Variants in GALNT13 observed in about 807,000 individuals in gnomAD.
GALNT13 encodes UDP-GalNAc:polypeptide N-acetylgalactosaminyltransferase 13.
GALNT13 carries 28 observed loss-of-function variants against 64.2 expected under a neutral mutation model. That is an observed-to-expected ratio of 0.44 (90% CI 0.32 to 0.60). GALNT13 has a LOEUF of 0.60. Ranked by LOEUF, GALNT13 falls within the 20% of genes least tolerant of loss-of-function variation. The pLI is 0.05. For synonymous variants in GALNT13, 214 were observed against 224.6 expected (o/e 0.95, Z 0.42); for missense variants, 577 against 669.8 (o/e 0.86, Z 1.53).
chr2:153,539,662 T>C, the GALNT13 span, among the ~76,000 whole-genome samples: 3 of 151,594 alleles, frequency 2.0e-5, no homozygotes, highest in Non-Finnish European at 4.4e-5. Flanking sequence ...CCTTTCCCCA[T>C]TGCTTGTTTT....
the GALNT13 span, among the ~76,000 whole-genome samples, chr2:153,269,423 C>T: frequency 1.3e-5 from 2 of 152,180 alleles, no homozygotes; most frequent in Admixed American, 6.5e-5. Context: ...ATAAATTCCT[C>T]ATCTTCATCT....
chr2:153,836,222 A>G, the GALNT13 span, among the ~76,000 whole-genome samples: 1 of 152,032 alleles, frequency 6.6e-6, no homozygotes, highest in Non-Finnish European at 1.5e-5. Flanking sequence ...TTTATTGTAT[A>G]TATTTAAAGT....
the GALNT13 span, among the ~76,000 whole-genome samples, chr2:153,069,011 T>C: frequency 6.6e-6 from 1 of 152,222 alleles, no homozygotes; most frequent in Non-Finnish European, 1.5e-5. Context: ...GCAGTGCACT[T>C]TGGAAGAAAT....
At chr2:153,612,632 C>CAA in the GALNT13 span, among the ~76,000 whole-genome samples, 24,614 of 150,708 alleles carry the variant, frequency 0.16, 2,159 homozygotes, top group African/African-American at 0.22. Context: ...AATAAGAAAA[C>CAA]AAAGAAAAAA....
At chr2:154,020,652 C>T (rs994101604) in intron 3 of GALNT13, among the ~76,000 whole-genome samples, 5 of 151,094 alleles carry the variant, frequency 3.3e-5, no homozygotes, top group South Asian at 2.1e-4. Context: ...TTGTAGGTTG[C>T]CTGTTCACTC....
chr2:153,292,073 A>T, the GALNT13 span, among the ~76,000 whole-genome samples: 1 of 152,180 alleles, frequency 6.6e-6, no homozygotes, highest in African/African-American at 2.4e-5. Context: ...GCTTGGTTAC[A>T]CTTCTATCCA....
chr2:153,618,085 G>C, the GALNT13 span, among the ~76,000 whole-genome samples: 1 of 151,606 alleles, frequency 6.6e-6, no homozygotes, highest in Non-Finnish European at 1.5e-5. Context: ...GTTTGCTTTT[G>C]ATTTTCTAGT....
chr2:153,620,077 A>C, the GALNT13 span, among the ~76,000 whole-genome samples: 1 of 152,012 alleles, frequency 6.6e-6, no homozygotes, highest in Non-Finnish European at 1.5e-5. Context: ...TAAGGGAAAT[A>C]ACTCTTAGAT....
the GALNT13 span, among the ~76,000 whole-genome samples, chr2:153,563,504 C>T: frequency 6.6e-6 from 1 of 152,014 alleles, no homozygotes; most frequent in East Asian, 1.9e-4. Context: ...TATGGATTTT[C>T]TTATACTGTG....
the GALNT13 span, among the ~76,000 whole-genome samples, chr2:153,094,569 C>T: frequency 2.6e-5 from 4 of 152,088 alleles, no homozygotes; most frequent in African/African-American, 4.8e-5. Context: ...AAAAAGAGCC[C>T]GCATTGCCAA....
chr2:154,085,353 T>G (rs1701471375), intron 3 of GALNT13, among the ~76,000 whole-genome samples: 1 of 152,028 alleles, frequency 6.6e-6, no homozygotes, highest in African/African-American at 2.4e-5. Flanking sequence ...TGTAAATGAC[T>G]TTTCTTTGTT....
At chr2:153,383,253 AG>A in the GALNT13 span, among the ~76,000 whole-genome samples, 3 of 152,100 alleles carry the variant, frequency 2.0e-5, no homozygotes, top group Non-Finnish European at 4.4e-5. Context: ...ACATCTCCTA[AG>A]TGCTTAGTAA....
chr2:153,992,710 A>G (rs181953278), intron 3 of GALNT13, among the ~76,000 whole-genome samples: 1 of 152,278 alleles, frequency 6.6e-6, no homozygotes, highest in East Asian at 1.9e-4. Flanking sequence ...ATGGGTTATA[A>G]CTTTAGTCTG....
chr2:154,076,831 T>G (rs1701013642), intron 3 of GALNT13, among the ~76,000 whole-genome samples: 1 of 151,606 alleles, frequency 6.6e-6, no homozygotes, highest in Admixed American at 6.6e-5. Context: ...AAGGAAACAC[T>G]TATTATAGAG....
chr2:153,411,560 A>C, the GALNT13 span, among the ~76,000 whole-genome samples: 1 of 152,138 alleles, frequency 6.6e-6, no homozygotes, highest in Non-Finnish European at 1.5e-5. Context: ...AAGAACTGAA[A>C]CACTTCAGGT....
At chr2:153,630,918 A>T in the GALNT13 span, among the ~76,000 whole-genome samples, 2 of 148,964 alleles carry the variant, frequency 1.3e-5, no homozygotes, top group Admixed American at 1.3e-4. Flanking sequence ...CCATTAAATC[A>T]TCATTTACAT....
chr2:153,740,394 T>C, the GALNT13 span, among the ~76,000 whole-genome samples: 3 of 152,096 alleles, frequency 2.0e-5, no homozygotes, highest in Non-Finnish European at 2.9e-5. Flanking sequence ...ATTTTAGATA[T>C]TATATTTTAA....
the GALNT13 span, among the ~76,000 whole-genome samples, chr2:153,380,320 A>G: frequency 1.3e-5 from 2 of 152,238 alleles, no homozygotes; most frequent in South Asian, 4.1e-4. Context: ...TTTAAAATAT[A>G]TGAGGAGGCT....
the GALNT13 span, among the ~76,000 whole-genome samples, chr2:153,316,624 A>G: frequency 8.2e-6 from 1 of 121,304 alleles, no homozygotes; most frequent in Non-Finnish European, 1.8e-5. Context: ...CAGGCAGCAG[A>G]GCGAGACTCC....
Sources: allele counts gnomAD v4.1 joint callset (sites outside exome capture counted in the v4.1 genomes callset), GRCh38; gene constraint gnomAD v4.1.1; transcripts MANE v1.5; gene names NCBI Gene and HGNC (gene_info 2026-07-23, HGNC 2026-07-21).